MTMR12: variants seen among roughly 807,000 people sequenced by gnomAD.
The protein encoded by MTMR12 is myotubularin related protein 12.
Under a neutral mutation model 96.7 loss-of-function variants are expected in MTMR12, and 33 were observed. The ratio of observed to expected loss-of-function variants is 0.34; its 90% CI spans 0.26 to 0.46. MTMR12 has a LOEUF of 0.46. MTMR12 is among the 20% of genes least tolerant of loss of function. The probability of loss-of-function intolerance (pLI) is 1.00; values close to 1 mark genes in which losing one functional copy is unlikely to be tolerated. For synonymous variants in MTMR12, 298 were observed against 327.2 expected (o/e 0.91, Z 0.96); for missense variants, 721 against 896.1 (o/e 0.80, Z 2.49).
rs1748096545 is a variant in MTMR12, at chr5:32,233,726, A to G, written c.1674+47T>C. 2.5e-6 allele frequency: 4 copies of G among 1,612,620 alleles called. No individual in the cohort carries two copies. The highest frequency in any genetic ancestry group is 3.4e-6 in the Non-Finnish European group (4 of 1,178,852). On this transcript the variant is annotated intron_variant, in intron 15 of 15. Transcript: ENST00000382142. This position sits in a 1 kb window ranked among gnomAD's most constrained non-coding sequence, Gnocchi z 5.0. ...GTAAGTACCTTTTATCATTACATGC[A>G]CGGGGTCTGGGCAGCTGAAGGGGGT...
intron 7 of MTMR12, among the ~76,000 whole-genome samples, chr5:32,258,813 T>TA (rs1449038776): frequency 1.9e-4 from 29 of 150,454 alleles, no homozygotes; most frequent in African/African-American, 6.1e-4. Context: ...CCCATGGTTT[T>TA]AAAAAATTTC....
At chr5:32,298,931 C>T (rs1303994382) in intron 1 of MTMR12, among the ~76,000 whole-genome samples, 20 of 139,116 alleles carry the variant, frequency 1.4e-4, no homozygotes, top group African/African-American at 4.9e-4. Context: ...CCAGCCTAGG[C>T]GACAGAGCGA....
intron 13 of MTMR12, among the ~76,000 whole-genome samples, 186 bp downstream of exon 13, chr5:32,238,815 G>A (rs2111993655): frequency 6.6e-6 from 1 of 152,214 alleles, no homozygotes; most frequent in Non-Finnish European, 1.5e-5. Flanking sequence ...TTTCCTCTGG[G>A]AAAGGTTTCA....
rs554289883 is a variant in MTMR12 at position 32,231,205 on chromosome 5, G to A, written c.1675-858C>T. ...AGGAGTTCAAGACCAACCTCAACCT[G>A]GCCAAAATGGCAAAACCCCATCTCC... is the stretch of plus-strand genomic sequence containing the variant. On this transcript the variant is annotated intron_variant, in intron 15 of 15. Transcript: ENST00000382142. 7.2e-5 allele frequency among the ~76,000 whole-genome samples: 11 copies of A among 151,948 alleles called. No homozygotes were observed. In the South Asian group the frequency reaches 2.3e-3, roughly 32 times the overall value.
chr5:32,270,883 G>C lies in MTMR12; in HGVS notation c.423C>G (p.Ile141Met), dbSNP rs776146053. Residue 141 changes from isoleucine (I) to methionine (M), a missense_variant, in exon 5 of 16, where the codon ATC becomes ATG. Ile to Met is a conservative substitution (Grantham distance 10, BLOSUM62 1). Coordinates refer to ENST00000382142, the MANE Select transcript of MTMR12 (RefSeq NM_001040446.3). ...GGAACACTCGAAGGTCTTTGCAGTG[G>C]ATGATGAGCTTCTCAGGGTATTTCT... The part of the protein sequence containing the change: ...QLKKYPEKLI[I>M]HCKDLRVFQF... The C allele has an allele frequency of 6.2e-7, 1 of 1,613,908 alleles. No homozygotes were observed. Among genetic ancestry groups the C allele is most frequent in the Non-Finnish European group, 8.5e-7 (1 of 1,179,916 alleles).
intron 1 of MTMR12, among the ~76,000 whole-genome samples, chr5:32,298,814 G>T (rs948249083): frequency 1.3e-5 from 2 of 151,912 alleles, no homozygotes; most frequent in Admixed American, 6.6e-5. Flanking sequence ...TTAGCTGGGC[G>T]TGGTGGCAGG....
At chr5:32,241,179 T>G (rs575549156) in intron 12 of MTMR12, among the ~76,000 whole-genome samples, 1 of 152,316 alleles carries the variant, frequency 6.6e-6, no homozygotes, top group African/African-American at 2.4e-5. Flanking sequence ...ACTCAAATAA[T>G]GCTCTGTTCT....
chr5:32,256,274 T>A (rs1041628973), intron 7 of MTMR12, among the ~76,000 whole-genome samples: 1 of 152,236 alleles, frequency 6.6e-6, no homozygotes, highest in Non-Finnish European at 1.5e-5. Flanking sequence ...ACACCTCTTA[T>A]CTAATATACT....
chr5:32,275,676 A>C (rs531201048), intron 2 of MTMR12, among the ~76,000 whole-genome samples: 118 of 152,342 alleles, frequency 7.7e-4, no homozygotes, highest in African/African-American at 2.8e-3. Context: ...TCACCGCTGC[A>C]CACCCACACC....
chr5:32,272,216 A>G (rs1201176212), intron 3 of MTMR12, among the ~76,000 whole-genome samples: 1 of 152,036 alleles, frequency 6.6e-6, no homozygotes, highest in East Asian at 1.9e-4. Flanking sequence ...GCGTGAAACC[A>G]GGAGGTGGAG....
intron 15 of MTMR12, among the ~76,000 whole-genome samples, chr5:32,231,934 G>T (rs1020769572): frequency 2.0e-5 from 3 of 152,214 alleles, no homozygotes; most frequent in Non-Finnish European, 4.4e-5. Context: ...GGAAACTAAG[G>T]CACAGAGGTA....
At chr5:32,243,438 CAGTT>C (rs1435661611) in intron 11 of MTMR12, 79 bp downstream of exon 11, 1 of 934,604 alleles carries the variant, frequency 1.1e-6, no homozygotes, top group East Asian at 2.4e-5. Context: ...AAATATCAAA[CAGTT>C]AAATTATTTG....
rs770998813 is a variant in MTMR12, at chr5:32,239,192, G to A, written c.1172-19C>T. On this transcript the variant is annotated intron_variant, in intron 12 of 15. Transcript: ENST00000382142. ...TTCTCCTCTAGGAGAGGCCCCAGCAGCAGTGCAAAGAGGAAGGAGGGCATA... is the reference window on the plus strand; with the variant it reads ...TTCTCCTCTAGGAGAGGCCCCAGCAACAGTGCAAAGAGGAAGGAGGGCATA... 2 of 1,552,964 alleles carry A rather than the reference G, an allele frequency of 1.3e-6. No homozygotes were observed. Among genetic ancestry groups the A allele is most frequent in the Non-Finnish European group, 8.7e-7 (1 of 1,144,180 alleles).
chr5:32,284,428 G>T (rs1257247951), intron 1 of MTMR12, among the ~76,000 whole-genome samples: 1 of 152,068 alleles, frequency 6.6e-6, no homozygotes, highest in African/African-American at 2.4e-5. Context: ...CTGAAAAACG[G>T]AGGATTCCTC....
intron 1 of MTMR12, among the ~76,000 whole-genome samples, chr5:32,287,486 C>A (rs1409637780): frequency 6.6e-6 from 1 of 152,200 alleles, no homozygotes; most frequent in Non-Finnish European, 1.5e-5. Flanking sequence ...AGACAGACTA[C>A]TGTGGGAACT....
chr5:32,281,623 C>T lies in MTMR12; in HGVS notation c.82-4881G>A, dbSNP rs138022675. Among the ~76,000 whole-genome samples the T allele has an allele frequency of 1.8e-3, 281 of 152,072 alleles. 1 individual carries two copies. Among genetic ancestry groups the T allele is most frequent in the African/African-American group, 6.5e-3 (269 of 41,474 alleles). ...CTTTCTTAAGAAACCACATCTGGGC[C>T]GGGCGTGGTGGCTCATGCCTGTAAT... On this transcript the variant is annotated intron_variant, in intron 1 of 15. Transcript: ENST00000382142.
At chr5:32,278,859 C>T (rs1750165620) in intron 1 of MTMR12, among the ~76,000 whole-genome samples, 1 of 151,940 alleles carries the variant, frequency 6.6e-6, no homozygotes, top group Non-Finnish European at 1.5e-5. Flanking sequence ...GGACGGATCA[C>T]CTGAGGTCAG....
chr5:32,282,958 G>C (rs1436144821), intron 1 of MTMR12, among the ~76,000 whole-genome samples: 1 of 152,146 alleles, frequency 6.6e-6, no homozygotes. Flanking sequence ...GTTGATCACA[G>C]GAGAATGAAC....
rs1011849368 is a variant in MTMR12, at chr5:32,234,990, T to C, written c.1484A>G (p.Asn495Ser). 6 of 1,613,530 alleles carry C rather than the reference T, an allele frequency of 3.7e-6. No individual in the cohort carries two copies. The highest frequency in any genetic ancestry group is 4.2e-6 in the Non-Finnish European group (5 of 1,179,652). ...YIPIFSTFFFNSPHQKDTNMG... is the reference protein window; with the variant it reads ...YIPIFSTFFFSSPHQKDTNMG... ...GTTAGTATCTTTTTGATGAGGTGAA[T>C]TGAAGAAGAAGGTGCTAAAAATAGG... The change falls in exon 14 of 16, where the codon AAT (asparagine) becomes AGT (serine). Residue 495 changes from asparagine to serine, a missense_variant. Asn to Ser is a conservative substitution (Grantham distance 46). Transcript: ENST00000382142.
Sources: allele counts gnomAD v4.1 joint callset (sites outside exome capture counted in the v4.1 genomes callset), GRCh38; gene constraint gnomAD v4.1.1; non-coding constraint Gnocchi (gnomAD v3.1); transcripts MANE v1.5; gene names NCBI Gene and HGNC (gene_info 2026-07-23, HGNC 2026-07-21).